The following WDR97 variants were observed in gnomAD, a reference collection of about 807,000 sequenced individuals.
WDR97 encodes the protein WD repeat domain 97, also known as WD repeat-containing protein 97.
WDR97 carries 111 observed loss-of-function variants against 65.4 expected under a neutral mutation model. That is an observed-to-expected ratio of 1.70 (90% CI 1.45 to 1.99). The LOEUF is 1.99. WDR97 is among the 30% of genes most tolerant of loss of function. The pLI is 0.00. For synonymous variants in WDR97, 802 were observed against 397.7 expected (o/e 2.02, Z -12.10); for missense variants, 1,674 against 865.0 (o/e 1.94, Z -11.73).
At position 144,110,468 on chromosome 8, in the gene WDR97, G is replaced by T. The variant is rs1383485027; in HGVS notation, c.1971G>T (p.Ala657=). 1.4e-6 allele frequency: 1 copy of T among 703,002 alleles called. No individual in the cohort carries two copies. Among genetic ancestry groups the T allele is most frequent in the East Asian group, 2.7e-5 (1 of 37,282 alleles). 43.5% of individuals were successfully genotyped at this position (703,002 alleles called of 1,614,324 possible). The change falls in exon 7 of 24, where the codon GCG becomes GCT. Residue 657 remains alanine, a synonymous_variant. Coordinates refer to ENST00000323662, the MANE Select transcript of WDR97 (RefSeq NM_001316309.2). ...GTGCGCTAGGCAGACGCGTCACCGC[G>T]GGCTTTGAGGACCCAGACAGCGCTA... ...ALCALGRRVT[A]GFEDPDSATY... is the part of the protein sequence containing the mutation.
Position 144,108,136 on chromosome 8 carries a change from G to A in WDR97, c.190G>A (p.Ala64Thr), listed in dbSNP as rs1024942614. 2 of 702,428 alleles carry A rather than the reference G, an allele frequency of 2.8e-6. No individual in the cohort carries two copies. The highest frequency in any genetic ancestry group is 5.2e-6 in the Non-Finnish European group (2 of 384,878). 43.5% of individuals were successfully genotyped at this position (702,428 alleles called of 1,614,324 possible). Residue 64 changes from alanine to threonine, a missense_variant, in exon 2 of 24, where the codon GCC becomes ACC. Physicochemically the swap from Ala to Thr is moderately conservative, Grantham distance 58. Coordinates refer to ENST00000323662, the MANE Select transcript of WDR97 (RefSeq NM_001316309.2). Reference protein sequence around the residue: ...SQQWQSLTPRARARRLWLLLR... With the variant: ...SQQWQSLTPRTRARRLWLLLR... Reference sequence around the variant, plus strand: ...ACAGTGGCAAAGCCTGACCCCGCGCGCCCGCGCCCGCCGGCTGTGGCTGCT... The same window carrying A: ...ACAGTGGCAAAGCCTGACCCCGCGCACCCGCGCCCGCCGGCTGTGGCTGCT...
rs533332173 is a variant in WDR97, at chr8:144,112,535, G to C, written c.3105+5G>C. ...GCCACCGTGCAGCCCCACAAGGTGA[G>C]ACCCCCTCCCAGCTCCTGGAGAGCC... is the stretch of plus-strand genomic sequence containing the variant. On this transcript the variant is annotated splice_donor_5th_base_variant and intron_variant, in intron 15 of 23. Transcript: ENST00000323662. 20 of 702,572 alleles carry C rather than the reference G, an allele frequency of 2.8e-5. 2 individuals are homozygous for C. Among genetic ancestry groups the C allele is most frequent in the South Asian group, 2.8e-4 (19 of 67,600 alleles). The allele number at this position is 702,572 out of a possible 1,614,324, so 43.5% of individuals were successfully genotyped here. A position where few individuals can be genotyped will look rare whatever the true frequency, so the allele number is the denominator to read the frequency against.
intron 21 of WDR97, 60 bp downstream of exon 21, chr8:144,114,971 C>CA: frequency 1.6e-6 from 1 of 634,818 alleles, no homozygotes; most frequent in Non-Finnish European, 2.8e-6. Context: ...TGGCTTTCTG[C>CA]AAGTCCTGGG....
At chr8:144,113,538 G>A (rs556840974) in intron 16 of WDR97, 21 bp downstream of exon 16, 56 of 689,930 alleles carry the variant, frequency 8.1e-5, no homozygotes, top group East Asian at 3.0e-4. Context: ...TCGGATCCCC[G>A]ACTCAGCTCG....
Position 144,108,398 on chromosome 8 carries a change from G to C in WDR97, c.332G>C (p.Arg111Pro). 1.4e-6 allele frequency: 1 copy of C among 698,162 alleles called. No individual in the cohort carries two copies. The highest frequency in any genetic ancestry group is 2.6e-6 in the Non-Finnish European group (1 of 383,228). The allele number at this position is 698,162 out of a possible 1,614,324, so 43.2% of individuals were successfully genotyped here. A position where few individuals can be genotyped will look rare whatever the true frequency, so the allele number is the denominator to read the frequency against. ...LRRLEVAAGL[R>P]SVAQDPVGGR... ...CGCCTGGAGGTGGCAGCCGGGCTGC[G>C]CTCGGTGGCGCAGGACCCGGTGGGT... The change falls in exon 3 of 24, where the codon CGC becomes CCC. Residue 111 changes from arginine (R) to proline (P), a missense_variant. By Grantham distance (103) the Arg-to-Pro change is moderately radical. Transcript: ENST00000323662.
Position 144,109,721 on chromosome 8 carries a change from G to T in WDR97, c.1387G>T (p.Gly463Trp), listed in dbSNP as rs888232329. ...GGTCTACCTCCTGTCGGCGGCCACC[G>T]GGCGCATAGTGAGCTCACTGCTGCT... ...GSVYLLSAAT[G>W]RIVSSLLLEP... Residue 463 changes from glycine to tryptophan, a missense_variant, in exon 5 of 24, where the codon GGG becomes TGG. Transcript: ENST00000323662. 2.9e-6 allele frequency: 2 copies of T among 679,926 alleles called. No individual in the cohort carries two copies. The highest frequency in any genetic ancestry group is 5.3e-6 in the Non-Finnish European group (2 of 375,772). 42.1% of individuals were successfully genotyped at this position (679,926 alleles called of 1,614,324 possible).
chr8:144,111,967 T>C lies in WDR97; in HGVS notation c.2718T>C (p.Ala906=). The stretch of plus-strand genomic sequence containing the variant: ...AGAGAGAGACCCGGGATGTGTGTGC[T>C]GTACCCCAAGCTGCCCACTGTCTTG... The part of the protein sequence containing the change: ...RVERETRDVC[A]VPQAAHCLAR... The change falls in exon 13 of 24, where the codon GCT becomes GCC. Residue 906 remains alanine, a synonymous_variant. Transcript: ENST00000323662. 1.4e-6 allele frequency: 1 copy of C among 702,486 alleles called. No individual in the cohort carries two copies. Among genetic ancestry groups the C allele is most frequent in the South Asian group, 1.5e-5 (1 of 67,600 alleles). 43.5% of individuals were successfully genotyped at this position (702,486 alleles called of 1,614,324 possible). A position where few individuals can be genotyped will look rare whatever the true frequency, so the allele number is the denominator to read the frequency against.
chr8:144,112,670 G>A (rs1836574408), intron 15 of WDR97, 140 bp downstream of exon 15: 4 of 649,596 alleles, frequency 6.2e-6, no homozygotes, highest in African/African-American at 1.8e-5. Flanking sequence ...GGGCCAGGCT[G>A]TAGCCTCCCA....
chr8:144,113,715 G>A lies in WDR97; in HGVS notation c.3242G>A (p.Trp1081Ter). The A allele has an allele frequency of 1.4e-6, 1 of 690,338 alleles. No homozygotes were observed. 42.8% of individuals were successfully genotyped at this position (690,338 alleles called of 1,614,324 possible). Residue 1081 changes from tryptophan to a stop codon, truncating the protein, a stop_gained, in exon 17 of 24, where the codon TGG becomes TAG. Coordinates refer to ENST00000323662, the MANE Select transcript of WDR97 (RefSeq NM_001316309.2). LOFTEE classifies it high-confidence loss of function. ...LWRPRPSQTQ[W>*]QRKLLQWMGE... ...CGCCCCAGGCCATCCCAAACCCAGT[G>A]GCAGAGGAAGCTGCTCCAATGGATG...
rs1174575804 is a variant in WDR97, at chr8:144,109,901, C to G, written c.1567C>G (p.Gln523Glu). The change falls in exon 5 of 24, where the codon CAG becomes GAG. Residue 523 changes from glutamine to glutamate, a missense_variant. Gln to Glu is a conservative substitution (Grantham distance 29). Coordinates refer to ENST00000323662, the MANE Select transcript of WDR97 (RefSeq NM_001316309.2). ...GTGCCCGCCGCCGCCCCCTGCGCCG[C>G]AGCCTTGCTGTCTGCACCTGTACAG... ...RVCPPPPPAP[Q>E]PCCLHLYSHL... 2.8e-6 allele frequency: 2 copies of G among 701,856 alleles called. No individual in the cohort carries two copies. The highest frequency in any genetic ancestry group is 5.2e-6 in the Non-Finnish European group (2 of 384,512). The allele number at this position is 701,856 out of a possible 1,614,324, so 43.5% of individuals were successfully genotyped here.
rs1215182429 is a variant in WDR97, at chr8:144,108,579, C to CG, written c.514dup (p.Ala172GlyfsTer151). ...TGGGCCGTTTTGTAGGCTGGGGCCC[C>CG]GCGGGGCTGGCAATTCTGAGGCCCA... On this transcript the variant is annotated frameshift_variant, in exon 3 of 24. Coordinates refer to ENST00000323662, the MANE Select transcript of WDR97 (RefSeq NM_001316309.2). LOFTEE classifies it high-confidence loss of function. The CG allele has an allele frequency of 7.1e-6, 5 of 700,702 alleles. No individual in the cohort carries two copies. The African/African-American group carries it at 8.7e-5, about 12-fold the overall frequency. 43.4% of individuals were successfully genotyped at this position (700,702 alleles called of 1,614,324 possible).
Position 144,113,774 on chromosome 8 carries a change from A to AAGAAGGAAGAGGAGGAGG in WDR97, c.3312_3329dup (p.Glu1104_Glu1109dup). On this transcript the variant is annotated inframe_insertion, in exon 17 of 24. Transcript: ENST00000323662. ...GCCTGGGGAGGAGGGGGAGGAAGAC[A>AAGAAGGAAGAGGAGGAGG]AGAAGGAAGAGGAGGAGGAGAAGGA... The AAGAAGGAAGAGGAGGAGG allele has an allele frequency of 1.4e-6, 1 of 702,650 alleles. No homozygotes were observed. Among genetic ancestry groups the AAGAAGGAAGAGGAGGAGG allele is most frequent in the African/African-American group, 1.7e-5 (1 of 57,242 alleles). The allele number at this position is 702,650 out of a possible 1,614,324, so 43.5% of individuals were successfully genotyped here.
chr8:144,108,703 G>A lies in WDR97; in HGVS notation c.637G>A (p.Val213Ile), dbSNP rs868307204. ...GGTTCCCGACCTCAGGCTGCTGCTC[G>A]TTGCGGAGATGAACAGCAGCCTGGC... ...LPVPDLRLLL[V>I]AEMNSSLALW... The change falls in exon 3 of 24, where the codon GTT becomes ATT. Residue 213 changes from valine to isoleucine, a missense_variant. Transcript: ENST00000323662. 1 of 701,076 alleles carries A rather than the reference G, an allele frequency of 1.4e-6. No individual in the cohort carries two copies. Among genetic ancestry groups the A allele is most frequent in the Middle Eastern group, 2.9e-4 (1 of 3,430 alleles). The allele number at this position is 701,076 out of a possible 1,614,324, so 43.4% of individuals were successfully genotyped here.
At position 144,114,460 on chromosome 8, in the gene WDR97, G is replaced by GC. The variant is rs548083057; in HGVS notation, c.3783dup (p.Ser1262GlnfsTer231). On this transcript the variant is annotated frameshift_variant, in exon 19 of 24. Coordinates refer to ENST00000323662, the MANE Select transcript of WDR97 (RefSeq NM_001316309.2). LOFTEE classifies it high-confidence loss of function. Reference sequence around the variant, plus strand: ...TCGTACACTTGCTCAACCTGGACCAGCCCCCCAGCCTCCAGGTGTGCCCCT... The same window carrying GC: ...TCGTACACTTGCTCAACCTGGACCAGCCCCCCCAGCCTCCAGGTGTGCCCCT... The GC allele has an allele frequency of 5.4e-5, 38 of 702,580 alleles. No individual in the cohort carries two copies. Among genetic ancestry groups the GC allele is most frequent in the South Asian group, 4.3e-4 (29 of 67,598 alleles). 43.5% of individuals were successfully genotyped at this position (702,580 alleles called of 1,614,324 possible).
rs1324578659 is a variant in WDR97 at position 144,107,843 on chromosome 8, G to A, written c.93G>A (p.Gly31=). ...ATGGCTATGATGTCCCAGACCCTGGGCTGCTCACCGAAAAGAATGGTGAGG... is the reference window on the plus strand; with the variant it reads ...ATGGCTATGATGTCCCAGACCCTGGACTGCTCACCGAAAAGAATGGTGAGG... ...DADGYDVPDP[G]LLTEKNELTF... is the part of the protein sequence containing the mutation. The change falls in exon 1 of 24, where the codon GGG becomes GGA. Residue 31 remains glycine (G), a synonymous_variant. Coordinates refer to ENST00000323662, the MANE Select transcript of WDR97 (RefSeq NM_001316309.2). 2 of 702,860 alleles carry A rather than the reference G, an allele frequency of 2.8e-6. No individual in the cohort carries two copies. Among genetic ancestry groups the A allele is most frequent in the Middle Eastern group, 2.3e-4 (1 of 4,370 alleles). The allele number at this position is 702,860 out of a possible 1,614,324, so 43.5% of individuals were successfully genotyped here.
chr8:144,115,343 G>A lies in WDR97; in HGVS notation c.4080G>A (p.Glu1360=), dbSNP rs1462266236. ...TAGCACTTTCCTCTCCTCCCAAGGA[G>A]ACCCCATCGCAGACGTCAGTGGTCT... ...KLEDMIQELQ[E]TPSQTSVVSG... Residue 1360 remains glutamate, a splice_region_variant and synonymous_variant, in exon 22 of 24, where the codon GAG becomes GAA. Coordinates refer to ENST00000323662, the MANE Select transcript of WDR97 (RefSeq NM_001316309.2). The A allele has an allele frequency of 1.7e-6, 1 of 596,928 alleles. No homozygotes were observed. Among genetic ancestry groups the A allele is most frequent in the South Asian group, 2.0e-5 (1 of 50,970 alleles). 37.0% of individuals were successfully genotyped at this position (596,928 alleles called of 1,614,324 possible). A position where few individuals can be genotyped will look rare whatever the true frequency, so the allele number is the denominator to read the frequency against.
chr8:144,109,122 GTGT>G lies in WDR97; in HGVS notation c.953_955del (p.Val318_Trp319delinsGly). On this transcript the variant is annotated inframe_deletion, in exon 4 of 24. Transcript: ENST00000323662. ...AGCTTCCCGGGACAGCACCGTGAAG[GTGT>G]GGGAGGCTGACTGGCAGATCCGGAT... 1.4e-6 allele frequency: 1 copy of G among 703,032 alleles called. No individual in the cohort carries two copies. The highest frequency in any genetic ancestry group is 2.7e-5 in the East Asian group (1 of 37,284). 43.5% of individuals were successfully genotyped at this position (703,032 alleles called of 1,614,324 possible). A position where few individuals can be genotyped will look rare whatever the true frequency, so the allele number is the denominator to read the frequency against.
chr8:144,110,611 G>T, intron 7 of WDR97, 34 bp downstream of exon 7: 2 of 702,726 alleles, frequency 2.8e-6, no homozygotes, highest in Non-Finnish European at 5.2e-6. Flanking sequence ...CCCAGCCACC[G>T]CCCAGCTCCG....
chr8:144,112,149 G>A lies in WDR97; in HGVS notation c.2895+5G>A. 2 of 701,408 alleles carry A rather than the reference G, an allele frequency of 2.9e-6. No homozygotes were observed. The highest frequency in any genetic ancestry group is 2.0e-5 in the Admixed American group (1 of 49,976). The allele number at this position is 701,408 out of a possible 1,614,324, so 43.4% of individuals were successfully genotyped here. Reference sequence around the variant, plus strand: ...GTGCACAGCAAGGCATCCCAGGTGAGGCTTCCCACCCTCCCACATGCCTGC... The same window carrying A: ...GTGCACAGCAAGGCATCCCAGGTGAAGCTTCCCACCCTCCCACATGCCTGC... On this transcript the variant is annotated splice_donor_5th_base_variant and intron_variant, in intron 13 of 23. Coordinates refer to ENST00000323662, the MANE Select transcript of WDR97 (RefSeq NM_001316309.2).
Sources: gnomAD v4.1 joint callset for allele counts on GRCh38, gnomAD v4.1.1 for gene constraint, MANE v1.5 for transcripts, NCBI Gene and HGNC (gene_info 2026-07-23, HGNC 2026-07-21) for gene names.